SOX5: variants seen among roughly 807,000 people sequenced by gnomAD.
SOX5 encodes the protein transcription factor SOX-5.
Under a neutral mutation model 92.0 loss-of-function variants are expected in SOX5, and 9 were observed. The ratio of observed to expected loss-of-function variants is 0.10; its 90% CI spans 0.06 to 0.17. The LOEUF (loss-of-function observed/expected upper bound fraction) is 0.17, where lower values mean the gene tolerates loss of function less well. SOX5 is among the 10% of genes least tolerant of loss of function. The pLI is 1.00. For missense variants in SOX5, 642 were observed against 944.5 expected (o/e 0.68, Z 4.20); for synonymous variants, 344 against 336.3 (o/e 1.02, Z -0.25).
intron 1 of SOX5, among the ~76,000 whole-genome samples, chr12:23,914,461 G>C (rs1378067508): frequency 6.6e-6 from 1 of 151,956 alleles, no homozygotes; most frequent in Non-Finnish European, 1.5e-5. Context: ...ATTTCCTTGA[G>C]GTATATCTAG....
intron 3 of SOX5, among the ~76,000 whole-genome samples, chr12:24,242,563 C>G (rs541041458): frequency 6.6e-6 from 1 of 152,232 alleles, no homozygotes; most frequent in African/African-American, 2.4e-5. Context: ...AGTTTATTTT[C>G]TCTTCTTAAA....
chr12:24,488,033 A>G (rs973037199), intron 1 of SOX5, among the ~76,000 whole-genome samples: 1 of 152,192 alleles, frequency 6.6e-6, no homozygotes, highest in Non-Finnish European at 1.5e-5. Flanking sequence ...CTATATGACT[A>G]TTATTTCCCT....
chr12:24,254,738 T>TATATATA (rs1565761318), intron 3 of SOX5, among the ~76,000 whole-genome samples: 3 of 151,350 alleles, frequency 2.0e-5, no homozygotes, highest in African/African-American at 7.3e-5. Flanking sequence ...TATATATATA[T>TATATATA]TTCCTATGAC....
chr12:23,695,940 C>CAAAAA lies in SOX5; in HGVS notation c.811-30381_811-30377dup, dbSNP rs71059917. Among the ~76,000 whole-genome samples the CAAAAA allele has an allele frequency of 3.0e-3, 36 of 11,902 alleles. 6 individuals carry two copies. Among genetic ancestry groups the CAAAAA allele is most frequent in the African/African-American group, 9.3e-3 (34 of 3,670 alleles). 7.8% of individuals were successfully genotyped at this position (11,902 alleles called of 152,430 possible). ...TGGGTGACAGAGCGAGACTCTGTCT[C>CAAAAA]AAAAAAAAAAAAAAAAAAAAAAAAA... On this transcript the variant is annotated intron_variant, in intron 6 of 14. Transcript: ENST00000451604.
intron 8 of SOX5, among the ~76,000 whole-genome samples, chr12:23,632,368 T>G (rs887585389): frequency 6.6e-6 from 1 of 152,104 alleles, no homozygotes; most frequent in Admixed American, 6.6e-5. Flanking sequence ...GACCTAAAAG[T>G]TTAACTGAGT....
chr12:24,006,946 C>T (rs974482452), intron 4 of SOX5, among the ~76,000 whole-genome samples: 1 of 149,900 alleles, frequency 6.7e-6, no homozygotes, highest in African/African-American at 2.4e-5. Context: ...CCAGCCTGGC[C>T]AACATGGTGA....
chr12:24,234,430 T>C (rs533761940), intron 3 of SOX5, among the ~76,000 whole-genome samples: 46 of 152,076 alleles, frequency 3.0e-4, no homozygotes, highest in African/African-American at 1.0e-3. Flanking sequence ...AAGCCTGGAG[T>C]GCAGTGGCAC....
chr12:24,077,617 T>A (rs1438991246), intron 4 of SOX5, among the ~76,000 whole-genome samples: 1 of 151,790 alleles, frequency 6.6e-6, no homozygotes, highest in Non-Finnish European at 1.5e-5. Context: ...TCAATATGTA[T>A]GCTTCGCTCT....
intron 2 of SOX5, among the ~76,000 whole-genome samples, chr12:23,860,651 T>G (rs12296192): frequency 0.5 from 75,591 of 151,928 alleles, 18,842 homozygotes; most frequent in East Asian, 0.62. Context: ...TCTTTAAATT[T>G]GTATATGGAA....
chr12:23,754,166 C>T (rs774376459), intron 4 of SOX5, among the ~76,000 whole-genome samples: 18 of 151,904 alleles, frequency 1.2e-4, no homozygotes, highest in Middle Eastern at 3.4e-3. Context: ...AGCTTGTCAT[C>T]ACTGCTGTTG....
chr12:24,390,633 C>T (rs1327080811), intron 1 of SOX5, among the ~76,000 whole-genome samples: 6 of 152,098 alleles, frequency 3.9e-5, no homozygotes, highest in Admixed American at 6.6e-5. Flanking sequence ...CATGTATACA[C>T]ATTATTTACC....
chr12:24,281,247 A>AC (rs1945159144), intron 2 of SOX5, among the ~76,000 whole-genome samples: 1 of 151,736 alleles, frequency 6.6e-6, no homozygotes, highest in African/African-American at 2.4e-5. Flanking sequence ...GAAAAAAAAA[A>AC]AAAAAAAAAA....
At chr12:24,501,846 C>T (rs1012756269) in intron 1 of SOX5, among the ~76,000 whole-genome samples, 5 of 152,094 alleles carry the variant, frequency 3.3e-5, no homozygotes, top group Non-Finnish European at 5.9e-5. Context: ...AACAAATAAA[C>T]AAATTTCCTC....
intron 4 of SOX5, among the ~76,000 whole-genome samples, chr12:23,991,972 A>G (rs967453519): frequency 6.6e-6 from 1 of 152,172 alleles, no homozygotes; most frequent in Non-Finnish European, 1.5e-5. Flanking sequence ...GAAATCTTAT[A>G]CTATGCAGCT....
At chr12:24,157,043 T>C (rs35673563) in intron 4 of SOX5, among the ~76,000 whole-genome samples, 7,551 of 152,176 alleles carry the variant, frequency 0.05, 203 homozygotes, top group South Asian at 0.083. Context: ...ATTAGTCTAA[T>C]GATATTTTAC....
chr12:23,795,977 G>A (rs1292390588), intron 3 of SOX5, among the ~76,000 whole-genome samples: 1 of 152,090 alleles, frequency 6.6e-6, no homozygotes, highest in Non-Finnish European at 1.5e-5. Flanking sequence ...GAAAACGGGT[G>A]TAATTTAAGA....
chr12:24,034,444 C>T (rs1320092975), intron 4 of SOX5, among the ~76,000 whole-genome samples: 1 of 151,166 alleles, frequency 6.6e-6, no homozygotes, highest in African/African-American at 2.4e-5. Flanking sequence ...GACTGCCGTG[C>T]AGCTTTCCTG....
chr12:23,868,078 T>C (rs2096834852), intron 2 of SOX5, among the ~76,000 whole-genome samples: 1 of 150,880 alleles, frequency 6.6e-6, no homozygotes, highest in Non-Finnish European at 1.5e-5. Context: ...CCTCACTCCC[T>C]CTCTCCCTCC....
At chr12:23,979,706 TG>T (rs367850015) in intron 4 of SOX5, among the ~76,000 whole-genome samples, 3,897 of 63,256 alleles carry the variant, frequency 0.062, 963 homozygotes, top group African/African-American at 0.096. Context: ...ATGTTTTTTT[TG>T]TTTTTTTTTT....
Sources: allele counts gnomAD v4.1 joint callset (sites outside exome capture counted in the v4.1 genomes callset), GRCh38; gene constraint gnomAD v4.1.1; transcripts MANE v1.5; gene names NCBI Gene and HGNC (gene_info 2026-07-23, HGNC 2026-07-21).